NUP210L: variants seen among roughly 807,000 people sequenced by gnomAD.
NUP210L encodes nuclear pore membrane glycoprotein 210-like.
In NUP210L, 74 loss-of-function variants were observed where a neutral mutation model predicts 208.5. That is an observed-to-expected ratio of 0.35 (90% CI 0.29 to 0.43). The LOEUF is 0.43. Among genes scored for constraint, NUP210L ranks in the 20% least tolerant of loss-of-function variants. The probability of loss-of-function intolerance (pLI) is 1.00; values close to 1 mark genes in which losing one functional copy is unlikely to be tolerated. For missense variants in NUP210L, 1,843 were observed against 2,289.4 expected (o/e 0.81, Z 3.98); for synonymous variants, 780 against 816.9 (o/e 0.95, Z 0.77).
chr1:154,127,261 T>A, intron 9 of NUP210L, 50 bp downstream of exon 9: 2 of 834,738 alleles, frequency 2.4e-6, no homozygotes, highest in South Asian at 3.5e-5. Flanking sequence ...TTACATCTTA[T>A]GTATCTTATC....
chr1:154,111,763 A>G (rs1657047328), intron 12 of NUP210L, among the ~76,000 whole-genome samples: 1 of 151,678 alleles, frequency 6.6e-6, no homozygotes, highest in South Asian at 2.1e-4. Flanking sequence ...AGAGAAGAGA[A>G]TACGTCCAAA....
chr1:154,131,004 C>T lies in NUP210L; in HGVS notation c.1010-1659G>A, dbSNP rs796265488. Among the ~76,000 whole-genome samples the T allele has an allele frequency of 2.6e-5, 4 of 152,124 alleles. No homozygotes were observed. The East Asian group carries it at 7.7e-4, about 29-fold the overall frequency. ...AGCTAGGGCCGGGCGTCGTGAATCA[C>T]GCCTGTAATCTCAGCACTTTGGGAG... On this transcript the variant is annotated intron_variant, in intron 7 of 39. Coordinates refer to ENST00000368559, the Ensembl canonical transcript of NUP210L.
chr1:154,154,885 G>A (rs1338893982), exon 1 of NUP210L: 2 of 1,614,100 alleles, frequency 1.2e-6, no homozygotes, highest in South Asian at 1.1e-5. Context: ...AAAGGCACCC[G>A]GCCTGGCTCT....
At chr1:154,145,993 C>T (rs963825018) in intron 2 of NUP210L, among the ~76,000 whole-genome samples, 29 of 152,000 alleles carry the variant, frequency 1.9e-4, no homozygotes, top group Admixed American at 5.2e-4. Context: ...TGGCCTCAAG[C>T]GATCCTCCTA....
At chr1:153,995,855 C>A in intron 37 of NUP210L, 1 of 588,344 alleles carries the variant, frequency 1.7e-6, no homozygotes, top group South Asian at 1.4e-5. Flanking sequence ...TGTCGGGTTC[C>A]ATGTGTGCTA....
intron 10 of NUP210L, among the ~76,000 whole-genome samples, chr1:154,123,944 G>C (rs533150168): frequency 3.3e-5 from 5 of 151,718 alleles, no homozygotes; most frequent in Non-Finnish European, 7.4e-5. Context: ...AGCACTTTGG[G>C]AGTCCAAGGT....
In NUP210L at chr1:154,095,282, G is replaced by A. The variant is rs1426558738; in HGVS notation, c.1966-126C>T. 3.0e-5 allele frequency: 21 copies of A among 700,256 alleles called. No individual in the cohort carries two copies. The South Asian group carries it at 3.9e-4, about 13-fold the overall frequency. The allele number at this position is 700,256 out of a possible 1,614,324, so 43.4% of individuals were successfully genotyped here. On this transcript the variant is annotated intron_variant, in intron 14 of 39. Coordinates refer to ENST00000368559, the Ensembl canonical transcript of NUP210L. Reference sequence around the variant, plus strand: ...ACTTAATTCCCAAATTAAGAGATATGTATGCCATGCCTCTCACTTGGAATG... The same window carrying A: ...ACTTAATTCCCAAATTAAGAGATATATATGCCATGCCTCTCACTTGGAATG...
chr1:154,021,622 G>C (rs1159927741), intron 32 of NUP210L, among the ~76,000 whole-genome samples: 1 of 152,096 alleles, frequency 6.6e-6, no homozygotes, highest in Non-Finnish European at 1.5e-5. Flanking sequence ...CTAGTTCTTA[G>C]AACTAAAGCC....
chr1:154,140,851 G>T (rs551413234), intron 4 of NUP210L, among the ~76,000 whole-genome samples: 17 of 151,548 alleles, frequency 1.1e-4, no homozygotes, highest in East Asian at 7.7e-4. Context: ...AAAATTAGCT[G>T]GGCGTGGTGG....
intron 34 of NUP210L, 92 bp downstream of exon 34, chr1:154,012,152 A>G: frequency 1.5e-6 from 2 of 1,319,078 alleles, no homozygotes; most frequent in Non-Finnish European, 2.1e-6. Flanking sequence ...AAATAAAAAG[A>G]AAATCTGGAT....
intron 2 of NUP210L, among the ~76,000 whole-genome samples, chr1:154,147,549 G>A (rs1659180598): frequency 6.7e-6 from 1 of 149,060 alleles, no homozygotes; most frequent in Non-Finnish European, 1.5e-5. Flanking sequence ...TGCTAATGTT[G>A]CCCAGGCTGG....
intron 27 of NUP210L, among the ~76,000 whole-genome samples, chr1:154,040,275 C>T (rs1006617474): frequency 1.3e-5 from 2 of 151,874 alleles, no homozygotes; most frequent in African/African-American, 2.4e-5. Context: ...TGTAGTGGTA[C>T]ACCCTGTAAT....
chr1:154,032,497 C>CT lies in NUP210L; in HGVS notation c.3697-2444dup, dbSNP rs1043466825. On this transcript the variant is annotated intron_variant, in intron 27 of 39. Coordinates refer to ENST00000368559, the Ensembl canonical transcript of NUP210L. The stretch of plus-strand genomic sequence containing the variant: ...ATATACCTGTTTGCCATTTGTATGA[C>CT]TTTTTTTTTTTTGGTAGGGGTGGAA... 5.2e-3 allele frequency among the ~76,000 whole-genome samples: 752 copies of CT among 145,380 alleles called. 9 individuals carry two copies. Among genetic ancestry groups the CT allele is most frequent in the African/African-American group, 0.016 (646 of 39,946 alleles).
At chr1:154,147,356 C>CTT (rs531968849) in intron 2 of NUP210L, among the ~76,000 whole-genome samples, 8 of 146,682 alleles carry the variant, frequency 5.5e-5, no homozygotes, top group African/African-American at 1.2e-4. Context: ...CTGACCAGTA[C>CTT]TTTTTTTTTT....
rs1260092265 is a variant in NUP210L, at chr1:154,100,156, A to C, written c.1820-13T>G. 3 of 1,613,498 alleles carry C rather than the reference A, an allele frequency of 1.9e-6. No homozygotes were observed. The highest frequency in any genetic ancestry group is 2.5e-6 in the Non-Finnish European group (3 of 1,179,658). ...GGTCTTTGAATACCTGTGAATCAAAAACCATGATTTTGGCAGGGCGTGGTG... is the reference window on the plus strand; with the variant it reads ...GGTCTTTGAATACCTGTGAATCAAACACCATGATTTTGGCAGGGCGTGGTG... On this transcript the variant is annotated splice_polypyrimidine_tract_variant and intron_variant, in intron 13 of 39. Transcript: ENST00000368559.
intron 16 of NUP210L, among the ~76,000 whole-genome samples, chr1:154,078,303 CA>C (rs377457949): frequency 4.7e-5 from 7 of 147,564 alleles, no homozygotes; most frequent in Non-Finnish European, 7.5e-5. Context: ...ATCCTATCTC[CA>C]AAAAAAAAGG....
chr1:154,073,326 C>T (rs564272071), intron 16 of NUP210L, among the ~76,000 whole-genome samples: 2 of 152,136 alleles, frequency 1.3e-5, no homozygotes, highest in East Asian at 3.9e-4. Context: ...AATCCTCCCA[C>T]CTCGGCCTCC....
At chr1:154,085,202 T>C (rs1655559139) in intron 16 of NUP210L, among the ~76,000 whole-genome samples, 1 of 144,280 alleles carries the variant, frequency 6.9e-6, no homozygotes, top group Non-Finnish European at 1.5e-5. Context: ...AAAAAAAAAA[T>C]AGCCAGGCTT....
At chr1:154,135,688 T>G (rs1349686460) in intron 7 of NUP210L, 126 bp downstream of exon 7, 2 of 763,894 alleles carry the variant, frequency 2.6e-6, no homozygotes, top group African/African-American at 3.5e-5. Flanking sequence ...CCCAAAGTGC[T>G]GGAATTACAG....
Sources: allele counts gnomAD v4.1 joint callset (sites outside exome capture counted in the v4.1 genomes callset), GRCh38; gene constraint gnomAD v4.1.1; transcripts MANE v1.5; gene names NCBI Gene and HGNC (gene_info 2026-07-23, HGNC 2026-07-21).